The following TMCC1 variants were observed in gnomAD, a reference collection of about 807,000 sequenced individuals.
TMCC1 encodes the protein transmembrane and coiled-coil domains protein 1.
TMCC1 carries 15 observed loss-of-function variants against 52.4 expected under a neutral mutation model. That is an observed-to-expected ratio of 0.29 (90% CI 0.19 to 0.44). The LOEUF (loss-of-function observed/expected upper bound fraction) is 0.44, where lower values mean the gene tolerates loss of function less well. Among genes scored for constraint, TMCC1 ranks in the 20% least tolerant of loss-of-function variants. TMCC1 has a pLI of 1.00. For missense variants in TMCC1, 503 were observed against 806.0 expected (o/e 0.62, Z 4.55); for synonymous variants, 279 against 301.9 (o/e 0.92, Z 0.79).
intron 2 of TMCC1, chr3:129,848,369 A>C (rs2107891981): frequency 6.6e-6 from 1 of 152,280 alleles, no homozygotes; most frequent in African/African-American, 2.4e-5. Context: ...GTAAGGGTTG[A>C]GGTTCTTTGT....
At chr3:129,777,014 C>T (rs934017901) in intron 4 of TMCC1, among the ~76,000 whole-genome samples, 7 of 152,102 alleles carry the variant, frequency 4.6e-5, no homozygotes, top group Admixed American at 2.6e-4. Context: ...ATTCAACGAA[C>T]GTATTGTTTG....
intron 2 of TMCC1, among the ~76,000 whole-genome samples, chr3:129,833,720 C>A (rs931625163): frequency 1.3e-5 from 2 of 152,150 alleles, no homozygotes; most frequent in Non-Finnish European, 2.9e-5. Flanking sequence ...CACAGCAAGA[C>A]CCCATGTCTC....
intron 2 of TMCC1, among the ~76,000 whole-genome samples, chr3:129,878,396 A>C (rs906490882): frequency 1.3e-5 from 2 of 152,142 alleles, no homozygotes; most frequent in Non-Finnish European, 2.9e-5. Flanking sequence ...TCTTCCAGAA[A>C]CTCAATACAA....
chr3:129,799,607 G>A (rs1350747844), intron 4 of TMCC1, among the ~76,000 whole-genome samples: 2 of 152,068 alleles, frequency 1.3e-5, no homozygotes, highest in Non-Finnish European at 2.9e-5. Context: ...TCAGGAGATC[G>A]AGACCATCCT....
At chr3:129,864,596 T>C (rs1422850749) in intron 2 of TMCC1, among the ~76,000 whole-genome samples, 1 of 152,100 alleles carries the variant, frequency 6.6e-6, no homozygotes, top group Non-Finnish European at 1.5e-5. Flanking sequence ...GAGACTAGCC[T>C]GGGCCACAGG....
At position 129,799,148 on chromosome 3, in the gene TMCC1, C is replaced by CAAATA. The variant is rs1394507123; in HGVS notation, c.576+28654_576+28655insTATTT. Among the ~76,000 whole-genome samples the CAAATA allele has an allele frequency of 4.6e-5, 7 of 152,262 alleles. No homozygotes were observed. In the East Asian group the frequency reaches 1.4e-3, roughly 29 times the overall value. On this transcript the variant is annotated intron_variant, in intron 4 of 6. Coordinates refer to ENST00000393238, the MANE Select transcript of TMCC1 (RefSeq NM_001017395.5). ...AACTTGTGAGGGTTGATTTAAAGGGCAGCTGACCTTGCCAAATAAGGTCTT... is the reference window on the plus strand; with the variant it reads ...AACTTGTGAGGGTTGATTTAAAGGGCAAATAAGCTGACCTTGCCAAATAAGGTCTT...
intron 4 of TMCC1, among the ~76,000 whole-genome samples, chr3:129,778,552 A>G (rs1038828307): frequency 2.6e-5 from 4 of 152,140 alleles, no homozygotes; most frequent in Admixed American, 2.6e-4. Context: ...CCTTTAAAGG[A>G]AGAAAGAATG....
intron 4 of TMCC1, among the ~76,000 whole-genome samples, chr3:129,785,936 T>TC (rs1553869832): frequency 7.4e-6 from 1 of 135,358 alleles, no homozygotes; most frequent in South Asian, 2.5e-4. Flanking sequence ...TCACCCCCTT[T>TC]TTTTTTTTTT....
At chr3:129,658,113 T>G (rs2086787373) in intron 5 of TMCC1, among the ~76,000 whole-genome samples, 1 of 152,248 alleles carries the variant, frequency 6.6e-6, no homozygotes, top group South Asian at 2.1e-4. Context: ...GGCAAGTTTC[T>G]GTTCACTTTC....
chr3:129,691,390 G>C (rs2047019327), intron 4 of TMCC1, among the ~76,000 whole-genome samples: 1 of 151,206 alleles, frequency 6.6e-6, no homozygotes, highest in Admixed American at 6.6e-5. Context: ...TTTGAGATCT[G>C]GACCAGTGAG....
At chr3:129,789,732 G>A (rs538040571) in intron 4 of TMCC1, among the ~76,000 whole-genome samples, 2 of 152,168 alleles carry the variant, frequency 1.3e-5, no homozygotes, top group African/African-American at 4.8e-5. Flanking sequence ...TACCCACCTC[G>A]GCCTCCCAAA....
At chr3:129,844,158 G>C (rs1434520768) in intron 2 of TMCC1, among the ~76,000 whole-genome samples, 1 of 152,112 alleles carries the variant, frequency 6.6e-6, no homozygotes, top group Non-Finnish European at 1.5e-5. Context: ...AAACACATTA[G>C]ACTATTCCAA....
At chr3:129,756,692 C>T (rs58893057) in intron 4 of TMCC1, among the ~76,000 whole-genome samples, 9 of 152,262 alleles carry the variant, frequency 5.9e-5, no homozygotes, top group East Asian at 1.9e-4. Context: ...CCACCGCACC[C>T]GGCCAGATGG....
rs2086340883 is a variant in TMCC1, at chr3:129,651,775, C to T, written c.1668G>A (p.Gln556=). 1 of 1,613,858 alleles carries T rather than the reference C, an allele frequency of 6.2e-7. No individual in the cohort carries two copies. The highest frequency in any genetic ancestry group is 8.5e-7 in the Non-Finnish European group (1 of 1,179,826). ...GCAGCTCCATCTTGGAGATGCGCGT[C>T]TGGCATGCCTCCAGGGCCTCCTGTG... ...RDIQEALEAC[Q]TRISKMELQQ... Residue 556 remains glutamine, a synonymous_variant, in exon 7 of 7, where the codon CAG becomes CAA. Transcript: ENST00000393238. The surrounding 1 kb of genome is among the most constrained non-coding windows in gnomAD (Gnocchi z 5.1).
chr3:129,858,955 C>T (rs1038596637), intron 2 of TMCC1, among the ~76,000 whole-genome samples: 2 of 152,156 alleles, frequency 1.3e-5, no homozygotes, highest in Non-Finnish European at 2.9e-5. Context: ...CTTAGATTAT[C>T]TACAAAACGT....
chr3:129,675,430 A>C lies in TMCC1; in HGVS notation c.577-4166T>G, dbSNP rs1560164768. 2.6e-5 allele frequency among the ~76,000 whole-genome samples: 4 copies of C among 152,358 alleles called. No homozygotes were observed. The South Asian group carries it at 6.2e-4, about 24-fold the overall frequency. ...CATCAACTGTACTAATGCTCACTTTAGAAGACAATTATGAGGATGAAATGG... is the reference window on the plus strand; with the variant it reads ...CATCAACTGTACTAATGCTCACTTTCGAAGACAATTATGAGGATGAAATGG... On this transcript the variant is annotated intron_variant, in intron 4 of 6. Transcript: ENST00000393238.
At chr3:129,669,868 A>G (rs748779419) in intron 5 of TMCC1, among the ~76,000 whole-genome samples, 1 of 152,210 alleles carries the variant, frequency 6.6e-6, no homozygotes, top group Non-Finnish European at 1.5e-5. Flanking sequence ...AACACTTGTC[A>G]ATTCATAATA....
chr3:129,827,147 G>A (rs948744534), intron 4 of TMCC1, among the ~76,000 whole-genome samples: 1 of 152,154 alleles, frequency 6.6e-6, no homozygotes, highest in African/African-American at 2.4e-5. Flanking sequence ...ATGGCTACGC[G>A]TACCTGAGTT....
At chr3:129,814,228 A>G (rs1392016640) in intron 4 of TMCC1, among the ~76,000 whole-genome samples, 1 of 152,150 alleles carries the variant, frequency 6.6e-6, no homozygotes, top group South Asian at 2.1e-4. Context: ...CTCACAGGCT[A>G]ATTTTCCTGC....
Sources: gnomAD v4.1 joint callset for allele counts (sites outside exome capture counted in the v4.1 genomes callset) on GRCh38, gnomAD v4.1.1 for gene constraint, Gnocchi (gnomAD v3.1) non-coding constraint, MANE v1.5 for transcripts, NCBI Gene and HGNC (gene_info 2026-07-23, HGNC 2026-07-21) for gene names.